The following TBC1D30 variants were observed in gnomAD, a reference collection of about 807,000 sequenced individuals.
The protein encoded by TBC1D30 is TBC1 domain family, member 30.
TBC1D30 carries 31 observed loss-of-function variants against 63.2 expected under a neutral mutation model. The observed-to-expected ratio is 0.49, with a 90% CI of 0.37 to 0.66. The LOEUF is 0.66. TBC1D30 is among the 30% of genes least tolerant of loss of function. The probability of loss-of-function intolerance (pLI) is 0.00; values close to 1 mark genes in which losing one functional copy is unlikely to be tolerated. For synonymous variants in TBC1D30, 307 were observed against 361.5 expected (o/e 0.85, Z 1.71); for missense variants, 810 against 953.6 (o/e 0.85, Z 1.98).
upstream of TBC1D30, among the ~76,000 whole-genome samples, chr12:64,821,609 A>C (rs1873891635): frequency 6.6e-6 from 1 of 152,160 alleles, no homozygotes; most frequent in Admixed American, 6.5e-5. Flanking sequence ...TCGGGTGTTC[A>C]TCACCATCTT....
chr12:64,857,022 GA>G (rs2136439554), intron 8 of TBC1D30, among the ~76,000 whole-genome samples: 1 of 152,242 alleles, frequency 6.6e-6, no homozygotes, highest in East Asian at 1.9e-4. Flanking sequence ...GGCAGGTCCA[GA>G]AATGCTGTCC....
chr12:64,769,048 C>G (rs917804616), intron 1 of TBC1D30, among the ~76,000 whole-genome samples: 1 of 151,892 alleles, frequency 6.6e-6, no homozygotes, highest in African/African-American at 2.4e-5. Flanking sequence ...GTTCCAGCTA[C>G]TTAGGAGGCT....
chr12:64,879,790 C>T lies in TBC1D30; in HGVS notation c.*4002C>T, dbSNP rs930372596. On this transcript the variant is annotated 3_prime_UTR_variant, in exon 12 of 12. Transcript: ENST00000539867. ...TTCTTCATCAACAGGTATTGAATTT[C>T]ATAAAAAGAACTTTAATTGTATCTT... is the stretch of plus-strand genomic sequence containing the variant. 1 of 152,112 alleles carries T rather than the reference C, an allele frequency of 6.6e-6. No individual in the cohort carries two copies. The highest frequency in any genetic ancestry group is 2.4e-5 in the African/African-American group (1 of 41,414). The allele number at this position is 152,112 out of a possible 1,614,324, so 9.4% of individuals were successfully genotyped here.
chr12:64,838,591 A>G, intron 6 of TBC1D30, 92 bp from the exon 7 acceptor site: 1 of 1,264,120 alleles, frequency 7.9e-7, no homozygotes, highest in Non-Finnish European at 1.1e-6. Context: ...AATACAACAA[A>G]TTTGAGTGGA....
chr12:64,796,370 T>G (rs1872271458), intron 2 of TBC1D30, among the ~76,000 whole-genome samples: 1 of 152,110 alleles, frequency 6.6e-6, no homozygotes, highest in African/African-American at 2.4e-5. Flanking sequence ...CTCAGGAGTT[T>G]TTTGTTTGTT....
chr12:64,853,948 A>AGCTACCTGAG (rs1877089425), intron 8 of TBC1D30, among the ~76,000 whole-genome samples: 1 of 152,352 alleles, frequency 6.6e-6, no homozygotes, highest in Admixed American at 6.5e-5. Context: ...CCATCTTGCC[A>AGCTACCTGAG]GCTACCTGAG....
At chr12:64,771,311 AC>A (rs762759994) in intron 1 of TBC1D30, among the ~76,000 whole-genome samples, 4 of 152,076 alleles carry the variant, frequency 2.6e-5, no homozygotes, top group Non-Finnish European at 5.9e-5. Context: ...GGAATTACAC[AC>A]CATTTGAAAA....
intron 2 of TBC1D30, chr12:64,787,385 T>A: frequency 1.0e-6 from 1 of 985,256 alleles, no homozygotes; most frequent in Non-Finnish European, 1.2e-6. Flanking sequence ...TGCTCAGGTA[T>A]GGTAAATATA....
intron 8 of TBC1D30, among the ~76,000 whole-genome samples, chr12:64,859,544 A>G (rs1877602153): frequency 6.6e-6 from 1 of 152,186 alleles, no homozygotes; most frequent in African/African-American, 2.4e-5. Flanking sequence ...AAGGGTGGAA[A>G]CAGATTGGAA....
upstream of TBC1D30, among the ~76,000 whole-genome samples, chr12:64,777,286 G>T (rs878938857): frequency 6.6e-6 from 1 of 152,078 alleles, no homozygotes; most frequent in Non-Finnish European, 1.5e-5. Context: ...AGAAATAAAG[G>T]GCATTCAAAT....
intron 1 of TBC1D30, among the ~76,000 whole-genome samples, chr12:64,781,451 A>T (rs1871283437): frequency 6.6e-6 from 1 of 152,194 alleles, no homozygotes; most frequent in African/African-American, 2.4e-5. Flanking sequence ...TTATGTCCAC[A>T]CTTAGTTCTT....
intron 2 of TBC1D30, among the ~76,000 whole-genome samples, chr12:64,789,620 A>G (rs1413287584): frequency 6.6e-6 from 1 of 152,234 alleles, no homozygotes; most frequent in Admixed American, 6.5e-5. Context: ...TAATTAATGA[A>G]CCAAAATGGC....
rs191914461 is a variant in TBC1D30, at chr12:64,832,604, A to C, written c.594+300A>C. ...CTGTTCAACAAATTAGCTGCTTAAA[A>C]CAGCAAATGTATTATCTTACAGTTT... On this transcript the variant is annotated intron_variant, in intron 5 of 11. Coordinates refer to ENST00000539867, the MANE Select transcript of TBC1D30 (RefSeq NM_015279.2). 2.6e-5 allele frequency among the ~76,000 whole-genome samples: 4 copies of C among 152,360 alleles called. No individual in the cohort carries two copies. In the East Asian group the frequency reaches 7.7e-4, roughly 29 times the overall value.
At chr12:64,763,175 C>G (rs1349941117) in intron 1 of TBC1D30, among the ~76,000 whole-genome samples, 1 of 152,044 alleles carries the variant, frequency 6.6e-6, no homozygotes, top group South Asian at 2.1e-4. Context: ...AGGCTGGTCT[C>G]GAACTCCTGA....
At chr12:64,817,093 T>C (rs1229021556) in intron 2 of TBC1D30, among the ~76,000 whole-genome samples, 1 of 152,180 alleles carries the variant, frequency 6.6e-6, no homozygotes, top group Admixed American at 6.5e-5. Context: ...TTTCACAGTT[T>C]CTACCAAGTG....
At chr12:64,832,097 A>G in intron 4 of TBC1D30, 22 bp from the exon 5 acceptor site, 1 of 1,496,704 alleles carries the variant, frequency 6.7e-7, no homozygotes, top group Non-Finnish European at 8.9e-7. Flanking sequence ...ATTTTTGAAA[A>G]TATTGTTTCC....
chr12:64,826,132 G>A (rs943544632), intron 1 of TBC1D30, among the ~76,000 whole-genome samples: 4 of 151,810 alleles, frequency 2.6e-5, no homozygotes, highest in African/African-American at 9.7e-5. Context: ...TTCTGAATCC[G>A]GAATAGCTGT....
At chr12:64,845,166 A>G (rs1876252339) in intron 8 of TBC1D30, among the ~76,000 whole-genome samples, 1 of 151,970 alleles carries the variant, frequency 6.6e-6, no homozygotes, top group South Asian at 2.1e-4. Context: ...TGGTAGCTCT[A>G]ATTTTAGTTT....
upstream of TBC1D30, among the ~76,000 whole-genome samples, chr12:64,824,276 A>T (rs1049069733): frequency 6.6e-6 from 1 of 152,066 alleles, no homozygotes; most frequent in Non-Finnish European, 1.5e-5. Flanking sequence ...ATTCAACGCA[A>T]TTCGGGCTGA....
Sources: allele counts gnomAD v4.1 joint callset (sites outside exome capture counted in the v4.1 genomes callset), GRCh38; gene constraint gnomAD v4.1.1; transcripts MANE v1.5; gene names NCBI Gene and HGNC (gene_info 2026-07-23, HGNC 2026-07-21).